BRCA2: variants seen among roughly 807,000 people sequenced by gnomAD.
The protein encoded by BRCA2 is breast cancer type 2 susceptibility protein.
BRCA2 carries 203 observed loss-of-function variants against 276.7 expected under a neutral mutation model. That is an observed-to-expected ratio of 0.73 (90% CI 0.65 to 0.82). The LOEUF (loss-of-function observed/expected upper bound fraction) is 0.82. Among genes scored for constraint, BRCA2 ranks in the 40% least tolerant of loss-of-function variants. The pLI is 0.00. For missense variants in BRCA2, 3,920 were observed against 3,915.0 expected, an observed-to-expected ratio of 1.00 and a Z score of -0.03; for synonymous variants, 1,289 against 1,338.4, an observed-to-expected ratio of 0.96 and a Z score of 0.81.
chr13:32,374,995 C>G lies in BRCA2; in HGVS notation c.8633-1675C>G, dbSNP rs1299737212. Among the ~76,000 whole-genome samples, 3 of 152,196 alleles carry G rather than the reference C, an allele frequency of 2.0e-5. No homozygotes were observed. In the East Asian group the frequency reaches 5.8e-4, roughly 29 times the overall value. ...GGCTGGGGAGGCCTCAGGAAACTTA[C>G]AATCATAGTGGAAGATGAAGGAGAA... On this transcript the variant is annotated intron_variant, in intron 20 of 26. Transcript: ENST00000380152.
rs775099979 is a variant in BRCA2, at chr13:32,341,229, A to G, written c.6841+33A>G. On this transcript the variant is annotated intron_variant, in intron 11 of 26. Transcript: ENST00000380152. Reference sequence around the variant, plus strand: ...TTCATTTTTACCTTTCGTGTTGCCAATCACTATTTTTAAAGTGTTTATTCA... The same window carrying G: ...TTCATTTTTACCTTTCGTGTTGCCAGTCACTATTTTTAAAGTGTTTATTCA... 3.1e-6 allele frequency: 5 copies of G among 1,613,202 alleles called. No homozygotes were observed. In the African/African-American group the frequency reaches 4.0e-5, roughly 13 times the overall value.
chr13:32,376,892 C>T (rs2137614121), intron 21 of BRCA2, 101 bp downstream of exon 21: 1 of 1,491,198 alleles, frequency 6.7e-7, no homozygotes, highest in Non-Finnish European at 9.2e-7. Flanking sequence ...TGTTGAAATG[C>T]TGCATTTCTC....
chr13:32,371,532 T>C (rs1248623827), intron 20 of BRCA2, among the ~76,000 whole-genome samples: 1 of 152,060 alleles, frequency 6.6e-6, no homozygotes, highest in African/African-American at 2.4e-5. Context: ...CCTCATGATT[T>C]ATATAGATGT....
At chr13:32,350,349 C>G (rs2072639488) in intron 13 of BRCA2, among the ~76,000 whole-genome samples, 1 of 152,050 alleles carries the variant, frequency 6.6e-6, no homozygotes. Context: ...ATATATATAG[C>G]TAAGAGTTTA....
intron 7 of BRCA2, among the ~76,000 whole-genome samples, chr13:32,328,098 G>A (rs1401642408): frequency 6.6e-6 from 1 of 151,988 alleles, no homozygotes; most frequent in Non-Finnish European, 1.5e-5. Context: ...AGAAATGTCT[G>A]TACATAAATG....
rs80359167 is a variant in BRCA2, at chr13:32,379,912, C to G, written c.9116C>G (p.Pro3039Arg). The G allele has an allele frequency of 2.5e-6, 4 of 1,613,014 alleles. No homozygotes were observed. Among genetic ancestry groups the G allele is most frequent in the South Asian group, 1.1e-5 (1 of 91,016 alleles). ...ATKKTQYQQL[P>R]VSDEILFQIY... ...AAAAAAACTCAGTATCAACAACTAC[C>G]GGTACAAACCTTTCATTGTAATTTT... The change falls in exon 23 of 27, where the codon CCG becomes CGG. Residue 3039 changes from proline to arginine, a missense_variant and splice_region_variant. Coordinates refer to ENST00000380152, the MANE Select transcript of BRCA2 (RefSeq NM_000059.4).
intron 24 of BRCA2, among the ~76,000 whole-genome samples, chr13:32,393,784 C>A (rs1226851231): frequency 1.3e-5 from 2 of 152,156 alleles, no homozygotes; most frequent in Non-Finnish European, 2.9e-5. Context: ...TGGATTCCCT[C>A]ATGTCTAGTT....
At position 32,370,983 on chromosome 13, in the gene BRCA2, T is replaced by C. The variant is rs758884639; in HGVS notation, c.8515T>C (p.Tyr2839His). 23 of 1,614,124 alleles carry C rather than the reference T, an allele frequency of 1.4e-5. 1 individual carries two copies. In the South Asian group the frequency reaches 2.1e-4, roughly 15 times the overall value. The change falls in exon 20 of 27, where the codon TAC (tyrosine) becomes CAC (histidine). Residue 2839 changes from tyrosine to histidine, a missense_variant. By Grantham distance (83) the Tyr-to-His change is moderately conservative. Around this residue, in one of 2 missense-constraint regions of BRCA2, gnomAD observed 657 missense variants for 758.2 expected, o/e 0.87. Transcript: ENST00000380152. ...GATGGAGAAGACATCATCTGGATTA[T>C]ACATATTTCGCAATGAAAGAGAGGA... The part of the protein sequence containing the change: ...QWMEKTSSGL[Y>H]IFRNEREEEK...
chr13:32,384,346 A>G (rs2137633548), intron 24 of BRCA2, among the ~76,000 whole-genome samples: 1 of 152,338 alleles, frequency 6.6e-6, no homozygotes, highest in South Asian at 2.1e-4. Flanking sequence ...CAGAGGCCCC[A>G]TTGAAAGGAT....
chr13:32,338,612 AG>A lies in BRCA2; in HGVS notation c.4258del (p.Asp1420IlefsTer28), dbSNP rs80359436. On this transcript the variant is annotated frameshift_variant, in exon 11 of 27. Transcript: ENST00000380152. LOFTEE classifies it high-confidence loss of function. ...CTACTAAAACGGAGCAAAATATAAA[AG>A]ATTTTGAGACTTCTGATACATTTTT... Reference protein sequence around the residue: ...TATKTEQNIKDFETSDTFFQT... With the variant: ...TATKTEQNIKXFETSDTFFQT... 1.3e-6 allele frequency: 2 copies of A among 1,596,834 alleles called. No individual in the cohort carries two copies. Among genetic ancestry groups the A allele is most frequent in the Non-Finnish European group, 1.7e-6 (2 of 1,169,506 alleles).
chr13:32,351,347 T>C (rs933967898), intron 13 of BRCA2, among the ~76,000 whole-genome samples: 3 of 152,042 alleles, frequency 2.0e-5, no homozygotes, highest in Admixed American at 1.3e-4. Context: ...GTCTGCGGCT[T>C]CACTCCTGAA....
rs539789848 is a variant in BRCA2 at position 32,350,182 on chromosome 13, T to A, written c.7007+3286T>A. Among the ~76,000 whole-genome samples, 15 of 151,942 alleles carry A rather than the reference T, an allele frequency of 9.9e-5. No homozygotes were observed. The East Asian group carries it at 2.9e-3, about 29-fold the overall frequency. ...CCTTTTGGTCCCTCACTCTTAACTATAAACAGACATCCAAAGATTATGAGA... is the reference window on the plus strand; with the variant it reads ...CCTTTTGGTCCCTCACTCTTAACTAAAAACAGACATCCAAAGATTATGAGA... On this transcript the variant is annotated intron_variant, in intron 13 of 26. Coordinates refer to ENST00000380152, the MANE Select transcript of BRCA2 (RefSeq NM_000059.4).
chr13:32,334,035 G>T (rs1157555285), intron 10 of BRCA2, among the ~76,000 whole-genome samples: 2 of 152,294 alleles, frequency 1.3e-5, no homozygotes, highest in Admixed American at 6.5e-5. Context: ...GGGCATTTGG[G>T]TTGATTCCAT....
Position 32,337,939 on chromosome 13 carries a change from T to C in BRCA2, c.3584T>C (p.Leu1195Pro). Reference sequence around the variant, plus strand: ...GAAATTAAACGGAAGTTTGCTGGCCTGTTGAAAAATGACTGTAACAAAAGT... The same window carrying C: ...GAAATTAAACGGAAGTTTGCTGGCCCGTTGAAAAATGACTGTAACAAAAGT... ...TVEIKRKFAG[L>P]LKNDCNKSAS... The change falls in exon 11 of 27, where the codon CTG becomes CCG. Residue 1195 changes from leucine to proline, a missense_variant. Coordinates refer to ENST00000380152, the MANE Select transcript of BRCA2 (RefSeq NM_000059.4). The C allele has an allele frequency of 6.2e-7, 1 of 1,614,062 alleles. No individual in the cohort carries two copies. Among genetic ancestry groups the C allele is most frequent in the South Asian group, 1.1e-5 (1 of 91,076 alleles).
rs777895333 is a variant in BRCA2, at chr13:32,338,207, T to G, written c.3852T>G (p.Ser1284Arg). ...AAAATCATAATGATAAAACTGTAAG[T>G]GAAAAAAATAATAAATGCCAACTGA... Reference protein sequence around the residue: ...KIENHNDKTVSEKNNKCQLIL... With the variant: ...KIENHNDKTVREKNNKCQLIL... The change falls in exon 11 of 27, where the codon AGT becomes AGG. Residue 1284 changes from serine to arginine, a missense_variant. Physicochemically the swap from Ser to Arg is moderately radical, Grantham distance 110. This residue lies in a region of BRCA2 where 3,263 missense variants were observed against 3,156.9 expected (regional missense o/e 1.03). Coordinates refer to ENST00000380152, the MANE Select transcript of BRCA2 (RefSeq NM_000059.4). 1 of 1,546,200 alleles carries G rather than the reference T, an allele frequency of 6.5e-7. No individual in the cohort carries two copies. The highest frequency in any genetic ancestry group is 2.1e-5 in the Admixed American group (1 of 47,666).
rs80358638 is a variant in BRCA2, at chr13:32,338,277, G to T, written c.3922G>T (p.Glu1308Ter). 11 of 1,566,908 alleles carry T rather than the reference G, an allele frequency of 7.0e-6. No individual in the cohort carries two copies. In the Admixed American group the frequency reaches 1.8e-4, roughly 25 times the overall value. ...IEMTTGTFVEEITENYKRNTE... is the reference protein window; with the variant it reads ...IEMTTGTFVE ...AATGACTACTGGCACTTTTGTTGAA[G>T]AAATTACTGAAAATTACAAGAGAAA... Residue 1308 changes from glutamate (E) to a stop codon, truncating the protein, a stop_gained, in exon 11 of 27, where the codon GAA (glutamate) becomes TAA (stop). Transcript: ENST00000380152. LOFTEE classifies it high-confidence loss of function.
intron 18 of BRCA2, among the ~76,000 whole-genome samples, chr13:32,365,721 C>CTTTTTTTTTTTTTTTTTTTTTTTTTCTT (rs36116910): frequency 1.9e-5 from 2 of 105,882 alleles, no homozygotes; most frequent in Non-Finnish European, 3.7e-5. Flanking sequence ...ACTTTGGTGT[C>CTTTTTTTTTTTTTTTTTTTTTTTTTCTT]TTTTTTTTTT....
chr13:32,320,268 C>T (rs751599432), intron 3 of BRCA2, among the ~76,000 whole-genome samples: 1 of 152,182 alleles, frequency 6.6e-6, no homozygotes, highest in Non-Finnish European at 1.5e-5. Context: ...CATCATGCTA[C>T]TTATTGTGTC....
In BRCA2 at chr13:32,332,385, T is replaced by C. The variant is rs1173494452; in HGVS notation, c.907T>C (p.Ser303Pro). 1.3e-6 allele frequency: 2 copies of C among 1,592,680 alleles called. No homozygotes were observed. The highest frequency in any genetic ancestry group is 1.7e-6 in the Non-Finnish European group (2 of 1,169,504). ...DEVYETVVDT[S>P]EEDSFSLCFS... The stretch of plus-strand genomic sequence containing the variant: ...AGTATATGAAACAGTTGTAGATACC[T>C]CTGAAGAAGATAGTTTTTCATTATG... The change falls in exon 10 of 27, where the codon TCT (serine) becomes CCT (proline). Residue 303 changes from serine (S) to proline (P), a missense_variant. Coordinates refer to ENST00000380152, the MANE Select transcript of BRCA2 (RefSeq NM_000059.4).
Sources: allele counts gnomAD v4.1 joint callset (sites outside exome capture counted in the v4.1 genomes callset), GRCh38; gene constraint gnomAD v4.1.1; regional missense constraint gnomAD v4.1.1; transcripts MANE v1.5; gene names NCBI Gene and HGNC (gene_info 2026-07-23, HGNC 2026-07-21).